Variants in DHRS12 observed in about 807,000 individuals in gnomAD.
DHRS12 encodes the protein dehydrogenase/reductase SDR family member 12.
A neutral mutation model predicts 32.1 loss-of-function variants in DHRS12; 29 were observed. The observed-to-expected ratio is 0.90, with a 90% CI of 0.67 to 1.23. The LOEUF is 1.23. Ranked by LOEUF, DHRS12 falls within the 50% of genes most tolerant of loss-of-function variation. DHRS12 has a pLI of 0.00. For synonymous variants in DHRS12, 150 were observed against 135.9 expected (o/e 1.10, Z -0.72); for missense variants, 330 against 337.2 (o/e 0.98, Z 0.17).
Position 51,768,028 on chromosome 13 carries a change from T to C in DHRS12, c.*159A>G. The C allele has an allele frequency of 1.4e-6, 2 of 1,429,616 alleles. No individual in the cohort carries two copies. The highest frequency in any genetic ancestry group is 1.8e-6 in the Non-Finnish European group (2 of 1,096,218). The allele number at this position is 1,429,616 out of a possible 1,614,324, so 88.6% of individuals were successfully genotyped here. On this transcript the variant is annotated 3_prime_UTR_variant, in exon 9 of 9. Coordinates refer to ENST00000444610, the MANE Select transcript of DHRS12 (RefSeq NM_001377533.1). Reference sequence around the variant, plus strand: ...GCCTGATCACAGCCTCGGTAGTATTTATTTTGAAATAAAAGTTCCCATCCC... The same window carrying C: ...GCCTGATCACAGCCTCGGTAGTATTCATTTTGAAATAAAAGTTCCCATCCC...
intron 4 of DHRS12, among the ~76,000 whole-genome samples, chr13:51,788,672 C>T (rs1955111234): frequency 1.3e-5 from 2 of 151,812 alleles, no homozygotes; most frequent in East Asian, 3.9e-4. Context: ...TAGTGAGACC[C>T]CCACCTCAAC....
At chr13:51,768,853 C>T in intron 8 of DHRS12, 1 of 1,352,718 alleles carries the variant, frequency 7.4e-7, no homozygotes, top group East Asian at 3.1e-5. Flanking sequence ...AATAGCGCCC[C>T]TCCTGGGCCT....
chr13:51,771,394 G>T, intron 7 of DHRS12: 1 of 1,614,154 alleles, frequency 6.2e-7, no homozygotes, highest in South Asian at 1.1e-5. Context: ...TGTCCTTGTG[G>T]CTGGCATTTA....
rs1325502648 is a variant in DHRS12 at position 51,771,008 on chromosome 13, T to C, written c.559+813A>G. The C allele has an allele frequency of 1.1e-5, 16 of 1,413,626 alleles. No individual in the cohort carries two copies. The East Asian group carries it at 3.3e-4, about 29-fold the overall frequency. 87.6% of individuals were successfully genotyped at this position (1,413,626 alleles called of 1,614,324 possible). On this transcript the variant is annotated intron_variant, in intron 7 of 8. Transcript: ENST00000444610. Reference sequence around the variant, plus strand: ...TAAATAGTGATTTTCAGAAAGGCCATGCCAGCAGTGTGTGAGAGCCTGATT... The same window carrying C: ...TAAATAGTGATTTTCAGAAAGGCCACGCCAGCAGTGTGTGAGAGCCTGATT...
chr13:51,758,350 T>A, the DHRS12 span: 2 of 1,379,094 alleles, frequency 1.5e-6, no homozygotes, highest in Non-Finnish European at 2.0e-6. Context: ...CTCATATAAA[T>A]ATACAGGAGC....
intron 2 of DHRS12, among the ~76,000 whole-genome samples, chr13:51,792,409 T>A (rs2139316210): frequency 1.3e-5 from 2 of 152,096 alleles, no homozygotes; most frequent in Middle Eastern, 6.9e-3. Flanking sequence ...TTGTTTTTTC[T>A]TGAGAAAAAG....
At chr13:51,789,979 T>A (rs1284323740) in intron 4 of DHRS12, 32 bp downstream of exon 4, 2 of 1,566,522 alleles carry the variant, frequency 1.3e-6, no homozygotes, top group African/African-American at 2.8e-5. Flanking sequence ...TTTATTTTGC[T>A]AAAAACAAAT....
the DHRS12 span, chr13:51,759,655 A>C: frequency 1.5e-6 from 2 of 1,376,914 alleles, no homozygotes; most frequent in Non-Finnish European, 2.0e-6. Context: ...TAAATGAAAA[A>C]AATTTCCTTG....
At chr13:51,799,423 C>T (rs1052980661) in intron 2 of DHRS12, 111 bp downstream of exon 2, 96 of 1,484,818 alleles carry the variant, frequency 6.5e-5, no homozygotes, top group Middle Eastern at 2.5e-4. Context: ...ACCATGGGAT[C>T]GCCGTCCAGG....
intron 6 of DHRS12, chr13:51,773,046 T>C (rs1187211720): frequency 1.0e-6 from 1 of 985,290 alleles, no homozygotes; most frequent in African/African-American, 1.7e-5. Flanking sequence ...AGCGGGTGAA[T>C]TTAAGGGCAA....
At chr13:51,777,030 T>C in intron 5 of DHRS12, 30 bp downstream of exon 5, 2 of 1,613,938 alleles carry the variant, frequency 1.2e-6, no homozygotes, top group Admixed American at 1.7e-5. Flanking sequence ...AAGTCCATTA[T>C]CCTCAAAACA....
At chr13:51,772,023 T>G in intron 6 of DHRS12, 112 bp from the exon 7 acceptor site, 1 of 989,362 alleles carries the variant, frequency 1.0e-6, no homozygotes, top group African/African-American at 1.6e-5. Flanking sequence ...CTCTGCAGTA[T>G]GTACGGCCAC....
chr13:51,789,484 G>C (rs1383606863), intron 4 of DHRS12: 1 of 930,996 alleles, frequency 1.1e-6, no homozygotes, highest in African/African-American at 1.8e-5. Flanking sequence ...GAATGTGCAT[G>C]TCTATCAAGT....
chr13:51,800,385 A>G (rs1955697464), intron 1 of DHRS12, among the ~76,000 whole-genome samples: 1 of 152,214 alleles, frequency 6.6e-6, no homozygotes, highest in Non-Finnish European at 1.5e-5. Context: ...TCCTTTTGCG[A>G]TACCTCTCTA....
At chr13:51,769,362 T>TAA in intron 7 of DHRS12, 69 bp from the exon 8 acceptor site, 2 of 1,221,374 alleles carry the variant, frequency 1.6e-6, no homozygotes, top group Non-Finnish European at 2.2e-6. Flanking sequence ...TTCCCTTAAT[T>TAA]TAAAAAAAAA....
chr13:51,795,834 G>A (rs993698865), intron 2 of DHRS12, among the ~76,000 whole-genome samples: 22 of 152,126 alleles, frequency 1.4e-4, no homozygotes, highest in Non-Finnish European at 2.1e-4. Context: ...CTGGTTGTAG[G>A]AGCTGAAGAA....
the DHRS12 span, chr13:51,761,805 A>T: frequency 1.3e-5 from 2 of 152,204 alleles, no homozygotes; most frequent in Non-Finnish European, 2.9e-5. Context: ...GCCACGGTAC[A>T]TGGAAGCTGT....
intron 7 of DHRS12, among the ~76,000 whole-genome samples, chr13:51,770,186 T>C (rs1295089713): frequency 2.6e-5 from 4 of 152,186 alleles, no homozygotes; most frequent in African/African-American, 9.7e-5. Context: ...AATACTTGTT[T>C]ACTGTAGAAA....
At chr13:51,757,767 G>A in the DHRS12 span, among the ~76,000 whole-genome samples, 2 of 151,542 alleles carry the variant, frequency 1.3e-5, no homozygotes, top group African/African-American at 4.8e-5. Context: ...AATGAATGGA[G>A]GGGGATAGTT....
Sources: allele counts gnomAD v4.1 joint callset (sites outside exome capture counted in the v4.1 genomes callset), GRCh38; gene constraint gnomAD v4.1.1; transcripts MANE v1.5; gene names NCBI Gene and HGNC (gene_info 2026-07-23, HGNC 2026-07-21).